Variants in WDR20 observed in about 807,000 individuals in gnomAD.
WDR20 encodes the protein WD repeat-containing protein 20.
In WDR20, 3 loss-of-function variants were observed where a neutral mutation model predicts 38.7. The observed-to-expected ratio is 0.08, with a 90% confidence interval of 0.04 to 0.20. The LOEUF (loss-of-function observed/expected upper bound fraction) is 0.20, where lower values mean the gene tolerates loss of function less well. Ranked by LOEUF, WDR20 falls within the 10% of genes least tolerant of loss-of-function variation. WDR20 has a pLI of 1.00. For synonymous variants in WDR20, 298 were observed against 285.6 expected, an observed-to-expected ratio of 1.04 and a Z score of -0.44; for missense variants, 559 against 727.7, an observed-to-expected ratio of 0.77 and a Z score of 2.67.
At chr14:102,161,582 A>G (rs1312085752) in intron 1 of WDR20, among the ~76,000 whole-genome samples, 1 of 152,082 alleles carries the variant, frequency 6.6e-6, no homozygotes, top group African/African-American at 2.4e-5. Flanking sequence ...GTGGTTTACA[A>G]GTAACAGGAA....
In WDR20 at chr14:102,209,966, A is replaced by C; in HGVS notation, c.*86A>C. 5 of 1,496,624 alleles carry C rather than the reference A, an allele frequency of 3.3e-6. No homozygotes were observed. The highest frequency in any genetic ancestry group is 4.4e-6 in the Non-Finnish European group (5 of 1,131,754). 92.7% of individuals were successfully genotyped at this position (1,496,624 alleles called of 1,614,324 possible). A position where few individuals can be genotyped will look rare whatever the true frequency, so the allele number is the denominator to read the frequency against. ...GGGGTGTACAATGAATGTGAATGAC[A>C]CTTCTTATTCTTAATGTAAATCTCA... On this transcript the variant is annotated 3_prime_UTR_variant, in exon 3 of 3. Coordinates refer to ENST00000342702, the MANE Select transcript of WDR20 (RefSeq NM_144574.4). The surrounding 1 kb of genome is among the most constrained non-coding windows in gnomAD (Gnocchi z 6.0).
At chr14:102,163,320 A>C (rs557207315) in intron 1 of WDR20, among the ~76,000 whole-genome samples, 4 of 152,212 alleles carry the variant, frequency 2.6e-5, no homozygotes, top group South Asian at 4.1e-4. Context: ...TGAGCCAAAT[A>C]AACTTGTTTA....
At position 102,162,785 on chromosome 14, in the gene WDR20, GT is replaced by G. The variant is rs201198891; in HGVS notation, c.249+22620del. ...ATCACCATGCCCAGCTAATTTTTGT[GT>G]TTTTTTGTAGAGACAGGGTTTTGCC... is the stretch of plus-strand genomic sequence containing the variant. On this transcript the variant is annotated intron_variant, in intron 1 of 2. Coordinates refer to ENST00000342702, the MANE Select transcript of WDR20 (RefSeq NM_144574.4). 7.4e-3 allele frequency among the ~76,000 whole-genome samples: 1,126 copies of G among 151,996 alleles called. 19 individuals carry two copies. Among genetic ancestry groups the G allele is most frequent in the African/African-American group, 0.025 (1,053 of 41,428 alleles).
chr14:102,218,131 C>G (rs530023203), downstream of WDR20, among the ~76,000 whole-genome samples: 1 of 152,240 alleles, frequency 6.6e-6, no homozygotes, highest in South Asian at 2.1e-4. Context: ...CTAGTCTGCC[C>G]GCCCGCGTGC....
At chr14:102,223,051 C>T (rs776236165) in exon 4 of WDR20, 6 of 660,244 alleles carry the variant, frequency 9.1e-6, no homozygotes, top group Non-Finnish European at 1.5e-5. Context: ...CGTGCTCCCG[C>T]TGCTCACCCA....
intron 1 of WDR20, among the ~76,000 whole-genome samples, chr14:102,182,553 C>T (rs1238423554): frequency 2.0e-5 from 3 of 152,132 alleles, no homozygotes; most frequent in East Asian, 1.9e-4. Context: ...CTCAGTGTTA[C>T]AGTAAGCTTC....
downstream of WDR20, among the ~76,000 whole-genome samples, chr14:102,211,775 C>T (rs2062573193): frequency 6.6e-6 from 1 of 152,176 alleles, no homozygotes; most frequent in Admixed American, 6.5e-5. The surrounding 1 kb of genome is among the most constrained non-coding windows in gnomAD (Gnocchi z 4.2). Flanking sequence ...TAGTTGTAAA[C>T]GTTCAGTTTC....
At chr14:102,173,578 C>T (rs1317971959) in intron 1 of WDR20, among the ~76,000 whole-genome samples, 4 of 151,556 alleles carry the variant, frequency 2.6e-5, no homozygotes, top group South Asian at 2.1e-4. Flanking sequence ...ATCACCTGAG[C>T]GGTGTACACT....
chr14:102,201,617 G>A (rs898869751), intron 2 of WDR20, among the ~76,000 whole-genome samples: 1 of 152,198 alleles, frequency 6.6e-6, no homozygotes, highest in African/African-American at 2.4e-5. Context: ...ACTATGGGGA[G>A]GGCCGCGCTG....
chr14:102,195,263 A>T (rs963190148), intron 2 of WDR20, 143 bp downstream of exon 2: 1 of 867,122 alleles, frequency 1.2e-6, no homozygotes, highest in Non-Finnish European at 1.7e-6. Flanking sequence ...CCCAAGTTTA[A>T]ATGTGGTGGA....
chr14:102,196,098 A>G (rs1256059942), intron 2 of WDR20, among the ~76,000 whole-genome samples: 1 of 152,212 alleles, frequency 6.6e-6, no homozygotes, highest in East Asian at 1.9e-4. Flanking sequence ...AGAAAATTCA[A>G]ATTGACAAAT....
chr14:102,219,732 A>G (rs984667533), downstream of WDR20, among the ~76,000 whole-genome samples: 1 of 152,240 alleles, frequency 6.6e-6, no homozygotes, highest in Non-Finnish European at 1.5e-5. Context: ...TCATGGGCAC[A>G]TTCTCTGCAT....
intron 2 of WDR20, among the ~76,000 whole-genome samples, chr14:102,203,154 T>G (rs1011657834): frequency 2.0e-5 from 3 of 152,150 alleles, no homozygotes; most frequent in African/African-American, 7.2e-5. Context: ...GCCACTTCCC[T>G]TTCTAGAAAC....
chr14:102,165,376 C>T (rs2059545661), intron 1 of WDR20, among the ~76,000 whole-genome samples: 1 of 152,104 alleles, frequency 6.6e-6, no homozygotes, highest in Admixed American at 6.6e-5. Context: ...AAAGAGTCAG[C>T]TAGTATCTGC....
upstream of WDR20, chr14:102,139,590 T>C (rs1257903021): frequency 1.4e-6 from 1 of 692,006 alleles, no homozygotes; most frequent in African/African-American, 1.8e-5. Flanking sequence ...TGACCGGCTT[T>C]CCGCTGGCCC....
rs1005516354 is a variant in WDR20 at position 102,209,865 on chromosome 14, A to G, written c.1695A>G (p.Val565=). Residue 565 remains valine, a synonymous_variant, in exon 3 of 3, where the codon GTA becomes GTG. Transcript: ENST00000342702. This position sits in a 1 kb window ranked among gnomAD's most constrained non-coding sequence, Gnocchi z 6.0. ...CATGGGGAAGGCCTGGTAAAGTGGT[A>G]AGTTTTAATCCTTAATGCTGCACCA... ...ICTWGRPGKV[V]SFNP 4.3e-6 allele frequency: 7 copies of G among 1,610,872 alleles called. No individual in the cohort carries two copies. The highest frequency in any genetic ancestry group is 5.1e-6 in the Non-Finnish European group (6 of 1,178,238).
chr14:102,224,644 T>C (rs943539269), downstream of WDR20: 3 of 455,946 alleles, frequency 6.6e-6, no homozygotes, highest in African/African-American at 6.0e-5. Flanking sequence ...TTTGTATGAA[T>C]GCAGCCACGG....
At chr14:102,140,997 C>T (rs1256054255) in intron 1 of WDR20, among the ~76,000 whole-genome samples, 1 of 152,146 alleles carries the variant, frequency 6.6e-6, no homozygotes, top group Non-Finnish European at 1.5e-5. Flanking sequence ...TTAAAGGGAC[C>T]ATCCTTCTTG....
rs767636814 is a variant in WDR20, at chr14:102,209,535, T to G, written c.1365T>G (p.Ala455=). 6.2e-7 allele frequency: 1 copy of G among 1,614,156 alleles called. No homozygotes were observed. The highest frequency in any genetic ancestry group is 8.5e-7 in the Non-Finnish European group (1 of 1,180,028). Residue 455 remains alanine (A), a synonymous_variant, in exon 3 of 3, where the codon GCT becomes GCG. Transcript: ENST00000342702. The surrounding 1 kb of genome is among the most constrained non-coding windows in gnomAD (Gnocchi z 6.0). The part of the protein sequence containing the change: ...SKSSVMDGAI[A]SGVSKFATLS... ...GCAGTGTCATGGACGGGGCCATTGC[T>G]TCTGGGGTCAGCAAATTTGCAACAC...
Sources: gnomAD v4.1 joint callset for allele counts (sites outside exome capture counted in the v4.1 genomes callset) on GRCh38, gnomAD v4.1.1 for gene constraint, Gnocchi (gnomAD v3.1) non-coding constraint, MANE v1.5 for transcripts, NCBI Gene and HGNC (gene_info 2026-07-23, HGNC 2026-07-21) for gene names.